Variants in CFAP299 observed in about 807,000 individuals in gnomAD.
CFAP299 encodes the protein cilia and flagella associated protein 299.
CFAP299 carries 21 observed loss-of-function variants against 27.0 expected under a neutral mutation model. The observed-to-expected ratio is 0.78, with a 90% CI of 0.55 to 1.12. The LOEUF (loss-of-function observed/expected upper bound fraction) is 1.12, where lower values mean the gene tolerates loss of function less well. Ranked by LOEUF, CFAP299 falls within the 50% of genes most tolerant of loss-of-function variation. The probability of loss-of-function intolerance (pLI) is 0.00; values close to 1 mark genes in which losing one functional copy is unlikely to be tolerated. For synonymous variants in CFAP299, 104 were observed against 98.1 expected (o/e 1.06, Z -0.36); for missense variants, 310 against 276.6 (o/e 1.12, Z -0.86).
intron 3 of CFAP299, among the ~76,000 whole-genome samples, chr4:80,594,756 G>C (rs773245730): frequency 2.6e-4 from 39 of 151,854 alleles, no homozygotes; most frequent in Non-Finnish European, 4.4e-4. Context: ...TTTTCTTTCT[G>C]TAAGTATTTG....
At chr4:80,343,759 G>T (rs538046877) in intron 1 of CFAP299, among the ~76,000 whole-genome samples, 2 of 132,852 alleles carry the variant, frequency 1.5e-5, no homozygotes, top group African/African-American at 2.8e-5. Context: ...ACTGCAGTCC[G>T]CAGTCCGGTC....
intron 4 of CFAP299, among the ~76,000 whole-genome samples, chr4:80,931,719 C>T (rs80202936): frequency 0.037 from 5,647 of 151,512 alleles, 140 homozygotes; most frequent in Middle Eastern, 0.071. Flanking sequence ...TTAACATGCA[C>T]GCACACACAC....
At chr4:80,810,070 A>C (rs1729067700) in intron 3 of CFAP299, among the ~76,000 whole-genome samples, 2 of 152,112 alleles carry the variant, frequency 1.3e-5, no homozygotes, top group Admixed American at 1.3e-4. Flanking sequence ...TAAACACTAA[A>C]AATTGAATAG....
chr4:80,350,873 A>G (rs1722980711), intron 1 of CFAP299, among the ~76,000 whole-genome samples: 3 of 152,186 alleles, frequency 2.0e-5, no homozygotes, highest in Admixed American at 2.0e-4. Flanking sequence ...TAGGTGCAGC[A>G]AACCACCATG....
rs950733018 is a variant in CFAP299 at position 80,942,288 on chromosome 4, G to A, written c.477-2522G>A. Reference sequence around the variant, plus strand: ...GTAGTACGTGGGACAAAGAGTACATGCGTTAGTCAGTGCAGGCTCTGGAGT... The same window carrying A: ...GTAGTACGTGGGACAAAGAGTACATACGTTAGTCAGTGCAGGCTCTGGAGT... On this transcript the variant is annotated intron_variant, in intron 4 of 5. Coordinates refer to ENST00000358105, the MANE Select transcript of CFAP299 (RefSeq NM_152770.3). 2.0e-5 allele frequency among the ~76,000 whole-genome samples: 3 copies of A among 152,134 alleles called. No individual in the cohort carries two copies. In the South Asian group the frequency reaches 6.2e-4, roughly 32 times the overall value.
At chr4:80,411,013 T>G (rs984752012) in intron 2 of CFAP299, among the ~76,000 whole-genome samples, 13 of 152,182 alleles carry the variant, frequency 8.5e-5, no homozygotes, top group African/African-American at 1.2e-4. Flanking sequence ...ACTTAGGTTT[T>G]GGGTAAAATT....
At chr4:80,838,290 G>A (rs541646698) in intron 3 of CFAP299, among the ~76,000 whole-genome samples, 2 of 152,154 alleles carry the variant, frequency 1.3e-5, no homozygotes, top group South Asian at 4.2e-4. Flanking sequence ...GTCAATTTTG[G>A]CTTTTGTTGC....
At chr4:80,595,167 T>G (rs1480182350) in intron 3 of CFAP299, among the ~76,000 whole-genome samples, 3 of 152,154 alleles carry the variant, frequency 2.0e-5, no homozygotes, top group Non-Finnish European at 4.4e-5. Flanking sequence ...CACTTAACCC[T>G]TCTTACCTTC....
intron 3 of CFAP299, among the ~76,000 whole-genome samples, chr4:80,785,424 G>T (rs1366865347): frequency 2.0e-5 from 3 of 152,060 alleles, no homozygotes; most frequent in Non-Finnish European, 4.4e-5. Flanking sequence ...TTCTTCCAGA[G>T]TATCTGTAGG....
At chr4:80,746,123 A>C (rs974347273) in intron 3 of CFAP299, among the ~76,000 whole-genome samples, 1 of 152,012 alleles carries the variant, frequency 6.6e-6, no homozygotes, top group African/African-American at 2.4e-5. Context: ...AAAGAGACCT[A>C]TATTTGAGTC....
intron 1 of CFAP299, among the ~76,000 whole-genome samples, chr4:80,346,703 G>A (rs1306881181): frequency 6.6e-6 from 1 of 152,140 alleles, no homozygotes; most frequent in African/African-American, 2.4e-5. Flanking sequence ...AAGTCAGGTA[G>A]CATGATGCCT....
rs528681644 is a variant in CFAP299 at position 80,711,042 on chromosome 4, G to A, written c.333+127859G>A. On this transcript the variant is annotated intron_variant, in intron 3 of 5. Coordinates refer to ENST00000358105, the MANE Select transcript of CFAP299 (RefSeq NM_152770.3). The stretch of plus-strand genomic sequence containing the variant: ...ATAACATGGGAAGGCTCATCATTTG[G>A]CACTAAGCCTCTGTTGTCTGTAAAA... Among the ~76,000 whole-genome samples the A allele has an allele frequency of 3.6e-4, 55 of 152,254 alleles. No homozygotes were observed. In the Middle Eastern group the frequency reaches 0.014, roughly 38 times the overall value.
chr4:80,895,432 C>A (rs1389206038), intron 4 of CFAP299, among the ~76,000 whole-genome samples: 1 of 151,926 alleles, frequency 6.6e-6, no homozygotes. Flanking sequence ...GTTAATCAAC[C>A]TTTAGTAAAT....
intron 2 of CFAP299, among the ~76,000 whole-genome samples, chr4:80,432,161 G>GTT (rs58642683): frequency 6.6e-6 from 1 of 151,810 alleles, no homozygotes; most frequent in South Asian, 2.1e-4. Flanking sequence ...TTCATTTTTT[G>GTT]TTTTTTTTGA....
chr4:80,845,047 CA>C (rs1429667169), intron 3 of CFAP299, among the ~76,000 whole-genome samples: 1 of 152,096 alleles, frequency 6.6e-6, no homozygotes, highest in African/African-American at 2.4e-5. Context: ...TCAGGTTTGT[CA>C]AAGATCAGAT....
rs1726869450 is a variant in CFAP299, at chr4:80,781,395, T to C, written c.334-88598T>C. ...GTGTATGTGATATTGATATATTAGA[T>C]GAGGAGGATAGGTAAACACCTATAT... On this transcript the variant is annotated intron_variant, in intron 3 of 5. Coordinates refer to ENST00000358105, the MANE Select transcript of CFAP299 (RefSeq NM_152770.3). Among the ~76,000 whole-genome samples the C allele has an allele frequency of 2.0e-5, 3 of 152,064 alleles. No individual in the cohort carries two copies. The South Asian group carries it at 6.2e-4, about 31-fold the overall frequency.
At chr4:80,329,926 G>T in the CFAP299 span, among the ~76,000 whole-genome samples, 2 of 152,008 alleles carry the variant, frequency 1.3e-5, no homozygotes, top group East Asian at 3.9e-4. Context: ...GGGTTTTAAC[G>T]ATGTCTCCTT....
intron 2 of CFAP299, among the ~76,000 whole-genome samples, chr4:80,403,893 AG>A (rs759811536): frequency 1.6e-4 from 25 of 152,184 alleles, no homozygotes; most frequent in Non-Finnish European, 3.5e-4. Context: ...TTTTGATTTA[AG>A]ACTTGAGAGT....
intron 4 of CFAP299, among the ~76,000 whole-genome samples, chr4:80,919,525 T>C (rs1735934793): frequency 1.3e-5 from 2 of 152,178 alleles, no homozygotes; most frequent in Non-Finnish European, 2.9e-5. Flanking sequence ...TCAGGTAAAG[T>C]TGAATTATCC....
Sources: allele counts gnomAD v4.1 joint callset (sites outside exome capture counted in the v4.1 genomes callset), GRCh38; gene constraint gnomAD v4.1.1; transcripts MANE v1.5; gene names NCBI Gene and HGNC (gene_info 2026-07-23, HGNC 2026-07-21).